The following C16orf95 variants were observed in gnomAD, a reference collection of about 807,000 sequenced individuals.
The protein encoded by C16orf95 is uncharacterized protein C16orf95.
C16orf95 carries 41 observed loss-of-function variants against 32.1 expected under a neutral mutation model. That is an observed-to-expected ratio of 1.28 (90% confidence interval 1.00 to 1.66). C16orf95 has a LOEUF of 1.66. C16orf95 is among the 40% of genes most tolerant of loss of function. The pLI, the probability that C16orf95 is intolerant of heterozygous loss-of-function variation, is 0.00. For synonymous variants in C16orf95, 147 were observed against 128.9 expected, an observed-to-expected ratio of 1.14 and a Z score of -0.95; for missense variants, 399 against 325.9, an observed-to-expected ratio of 1.22 and a Z score of -1.73.
chr16:87,310,651 G>A (rs1016491587), intron 4 of C16orf95, among the ~76,000 whole-genome samples: 3 of 152,318 alleles, frequency 2.0e-5, no homozygotes, highest in East Asian at 3.9e-4. Context: ...CGCTGTGGAG[G>A]CGGCCAGCAA....
chr16:87,311,361 C>T, intron 3 of C16orf95, 65 bp from the exon 4 acceptor site: 1 of 1,433,420 alleles, frequency 7.0e-7, no homozygotes, highest in Non-Finnish European at 9.3e-7. Context: ...CCCAATGACT[C>T]CCTGATGGAG....
chr16:87,312,430 G>A (rs1911323401), intron 3 of C16orf95, among the ~76,000 whole-genome samples: 1 of 152,080 alleles, frequency 6.6e-6, no homozygotes, highest in South Asian at 2.1e-4. Context: ...TTAGCCGGGA[G>A]TGGTGGTGGG....
chr16:87,312,525 T>C (rs1008695518), intron 3 of C16orf95, among the ~76,000 whole-genome samples: 2 of 136,588 alleles, frequency 1.5e-5, no homozygotes, highest in African/African-American at 5.5e-5. Context: ...GCCGAAATCA[T>C]GCCACTGCAC....
Position 87,302,835 on chromosome 16 carries a change from T to G in C16orf95, c.*222A>C. ...CCAGTTTAGAGTTTCACAAATAACA[T>G]TTATTGACCACATTCATAACAGAAA... On this transcript the variant is annotated 3_prime_UTR_variant, in exon 7 of 7. Coordinates refer to ENST00000567970, the MANE Select transcript of C16orf95 (RefSeq NM_001195124.3). 1 of 569,128 alleles carries G rather than the reference T, an allele frequency of 1.8e-6. No individual in the cohort carries two copies. The highest frequency in any genetic ancestry group is 3.2e-6 in the Non-Finnish European group (1 of 316,002). 35.3% of individuals were successfully genotyped at this position (569,128 alleles called of 1,614,324 possible).
At chr16:87,307,238 C>T (rs959300478) in intron 5 of C16orf95, among the ~76,000 whole-genome samples, 2 of 152,176 alleles carry the variant, frequency 1.3e-5, no homozygotes, top group African/African-American at 4.8e-5. Flanking sequence ...ACAGAAAACA[C>T]CTTCAAGATC....
rs1597341674 is a variant in C16orf95 at position 87,305,434 on chromosome 16, C to A, written c.701+285G>T. 6.6e-6 allele frequency among the ~76,000 whole-genome samples: 1 copy of A among 151,504 alleles called. No homozygotes were observed. Among genetic ancestry groups the A allele is most frequent in the South Asian group, 2.1e-4 (1 of 4,808 alleles). On this transcript the variant is annotated intron_variant, in intron 6 of 6. Transcript: ENST00000567970. This position sits in a 1 kb window ranked among gnomAD's most constrained non-coding sequence, Gnocchi z 4.2. ...ATTTATGGAAACTGGGACCCGTGTC[C>A]TTCTGGGAGCAGGGCCATTTTAGAA...
At position 87,317,226 on chromosome 16, in the gene C16orf95, G is replaced by C. The variant is rs1157628379; in HGVS notation, c.17C>G (p.Ser6Cys). The stretch of plus-strand genomic sequence containing the variant: ...GTGACAACGCCGCGGGGACGGTGGG[G>C]ACCGGCTCGCACGCATATGGCTTCT... MRASR[S>C]PPSPRRCHHH... Residue 6 changes from serine to cysteine, a missense_variant, in exon 1 of 7, where the codon TCC (serine) becomes TGC (cysteine). Physicochemically the swap from Ser to Cys is moderately radical, Grantham distance 112. Coordinates refer to ENST00000567970, the MANE Select transcript of C16orf95 (RefSeq NM_001195124.3). 12 of 1,528,314 alleles carry C rather than the reference G, an allele frequency of 7.9e-6. No individual in the cohort carries two copies. The highest frequency in any genetic ancestry group is 1.0e-5 in the Non-Finnish European group (12 of 1,142,924). 94.7% of individuals were successfully genotyped at this position (1,528,314 alleles called of 1,614,324 possible). A position where few individuals can be genotyped will look rare whatever the true frequency, so the allele number is the denominator to read the frequency against.
intron 4 of C16orf95, among the ~76,000 whole-genome samples, chr16:87,310,881 A>G (rs1421426227): frequency 6.6e-6 from 1 of 152,166 alleles, no homozygotes; most frequent in Non-Finnish European, 1.5e-5. Context: ...AGTGGGTGCC[A>G]GAACAATCAC....
chr16:87,304,675 C>A (rs1019317315), intron 6 of C16orf95, among the ~76,000 whole-genome samples: 1 of 152,194 alleles, frequency 6.6e-6, no homozygotes, highest in Admixed American at 6.5e-5. Flanking sequence ...TACCCCGATG[C>A]ACATCACAGC....
At chr16:87,303,253 G>A (rs1184853963) in intron 6 of C16orf95, 178 bp from the exon 7 acceptor site, 6 of 614,788 alleles carry the variant, frequency 9.8e-6, no homozygotes, top group Middle Eastern at 4.3e-4. Context: ...GTGCAGTCCT[G>A]GCCATATCGC....
Position 87,302,895 on chromosome 16 carries a change from A to G in C16orf95, c.*162T>C, listed in dbSNP as rs1910827110. 1 of 729,320 alleles carries G rather than the reference A, an allele frequency of 1.4e-6. No homozygotes were observed. Among genetic ancestry groups the G allele is most frequent in the Admixed American group, 2.2e-5 (1 of 44,784 alleles). 45.2% of individuals were successfully genotyped at this position (729,320 alleles called of 1,614,324 possible). ...ATTCACATGAACTTTGCTACAACCA[A>G]GAATCACCTGATGAGAAATCATTTG... On this transcript the variant is annotated 3_prime_UTR_variant, in exon 7 of 7. Transcript: ENST00000567970.
At chr16:87,310,942 C>A (rs952296964) in intron 4 of C16orf95, among the ~76,000 whole-genome samples, 21 of 152,186 alleles carry the variant, frequency 1.4e-4, no homozygotes, top group African/African-American at 4.8e-5. Flanking sequence ...AACTGGGAGA[C>A]CTGAGCCAGC....
Position 87,314,884 on chromosome 16 carries a change from T to C in C16orf95, c.330+87A>G, listed in dbSNP as rs553491860. ...CCTGAAATGTTAAAATATCCATTCA[T>C]ATAATACTTCTAATTCTGAGGGGTG... On this transcript the variant is annotated intron_variant, in intron 3 of 6. Transcript: ENST00000567970. The C allele has an allele frequency of 5.3e-6, 6 of 1,138,222 alleles. No individual in the cohort carries two copies. The East Asian group carries it at 1.3e-4, about 25-fold the overall frequency. 70.5% of individuals were successfully genotyped at this position (1,138,222 alleles called of 1,614,324 possible). A position where few individuals can be genotyped will look rare whatever the true frequency, so the allele number is the denominator to read the frequency against.
Position 87,317,163 on chromosome 16 carries a change from G to C in C16orf95, c.80C>G (p.Ala27Gly). 6.5e-7 allele frequency: 1 copy of C among 1,531,950 alleles called. No individual in the cohort carries two copies. 94.9% of individuals were successfully genotyped at this position (1,531,950 alleles called of 1,614,324 possible). The change falls in exon 1 of 7, where the codon GCT (alanine) becomes GGT (glycine). Residue 27 changes from alanine to glycine, a missense_variant. Coordinates refer to ENST00000567970, the MANE Select transcript of C16orf95 (RefSeq NM_001195124.3). ...HEATGAASGA[A>G]AGGPGAGCVG... ...GCACCCCGCGCCCGGCCCCCCGGCAGCAGCGCCTGAGGCTGCTCCAGTGGC... is the reference window on the plus strand; with the variant it reads ...GCACCCCGCGCCCGGCCCCCCGGCACCAGCGCCTGAGGCTGCTCCAGTGGC...
intron 6 of C16orf95, among the ~76,000 whole-genome samples, chr16:87,304,172 G>A (rs1181555120): frequency 1.3e-5 from 2 of 152,156 alleles, no homozygotes; most frequent in Admixed American, 1.3e-4. Flanking sequence ...ACTACACTCA[G>A]CTAATTTTTT....
At chr16:87,314,795 TACA>T (rs1427237985) in intron 3 of C16orf95, among the ~76,000 whole-genome samples, 173 bp downstream of exon 3, 1 of 152,222 alleles carries the variant, frequency 6.6e-6, no homozygotes, top group African/African-American at 2.4e-5. Flanking sequence ...CAGACCTTGC[TACA>T]ACGACAGCAC....
chr16:87,306,742 G>C (rs926291622), intron 5 of C16orf95, among the ~76,000 whole-genome samples: 4 of 152,282 alleles, frequency 2.6e-5, no homozygotes, highest in East Asian at 3.9e-4. Flanking sequence ...GCAGCAATGA[G>C]ATCTGCTCTC....
intron 5 of C16orf95, among the ~76,000 whole-genome samples, chr16:87,306,516 T>C (rs1355879670): frequency 1.3e-5 from 2 of 152,132 alleles, no homozygotes; most frequent in Non-Finnish European, 2.9e-5. Context: ...TTAATGTAAA[T>C]ATCATAAATA....
Position 87,305,502 on chromosome 16 carries a change from G to C in C16orf95, c.701+217C>G, listed in dbSNP as rs377265206. Reference sequence around the variant, plus strand: ...GGTGGAAGTGCCCCACGAGGCCCCCGCCGCCCCCAGGCTGCCCTGGCATCT... The same window carrying C: ...GGTGGAAGTGCCCCACGAGGCCCCCCCCGCCCCCAGGCTGCCCTGGCATCT... On this transcript the variant is annotated intron_variant, in intron 6 of 6. Transcript: ENST00000567970. The surrounding 1 kb of genome is among the most constrained non-coding windows in gnomAD (Gnocchi z 4.2). Among the ~76,000 whole-genome samples the C allele has an allele frequency of 6.7e-6, 1 of 148,932 alleles. No individual in the cohort carries two copies.
Sources: allele counts gnomAD v4.1 joint callset (sites outside exome capture counted in the v4.1 genomes callset), GRCh38; gene constraint gnomAD v4.1.1; non-coding constraint Gnocchi (gnomAD v3.1); transcripts MANE v1.5; gene names NCBI Gene and HGNC (gene_info 2026-07-23, HGNC 2026-07-21).